Variants in NIT2 observed in about 807,000 individuals in gnomAD.
NIT2 encodes omega-amidase NIT2.
Under a neutral mutation model 42.7 loss-of-function variants are expected in NIT2, and 46 were observed. The ratio of observed to expected loss-of-function variants is 1.08; its 90% confidence interval spans 0.85 to 1.38. The LOEUF (loss-of-function observed/expected upper bound fraction) is 1.38, where lower values mean the gene tolerates loss of function less well. NIT2 is among the 40% of genes most tolerant of loss of function. The pLI is 0.00. For synonymous variants in NIT2, 123 were observed against 121.9 expected, an observed-to-expected ratio of 1.01 and a Z score of -0.06; for missense variants, 309 against 342.5, an observed-to-expected ratio of 0.90 and a Z score of 0.77.
Position 100,356,924 on chromosome 3 carries a change from ATTAC to A in NIT2, c.*1659_*1662del, listed in dbSNP as rs1457709995. 6.6e-6 allele frequency: 1 copy of A among 152,184 alleles called. No individual in the cohort carries two copies. Among genetic ancestry groups the A allele is most frequent in the Admixed American group, 6.5e-5 (1 of 15,282 alleles). The allele number at this position is 152,184 out of a possible 1,614,324, so 9.4% of individuals were successfully genotyped here. On this transcript the variant is annotated 3_prime_UTR_variant, in exon 10 of 10. Coordinates refer to ENST00000394140, the MANE Select transcript of NIT2 (RefSeq NM_020202.5). Reference sequence around the variant, plus strand: ...CACTCAAAATCACTTGGAACTCAAAATTACTTCTTTCACTCAAAATCACTCAAAA... The same window carrying A: ...CACTCAAAATCACTTGGAACTCAAAATTCTTTCACTCAAAATCACTCAAAA...
In NIT2 at chr3:100,360,603, G is replaced by T. The variant is rs277638; in HGVS notation, c.*5335G>T. On this transcript the variant is annotated 3_prime_UTR_variant, in exon 10 of 10. Transcript: ENST00000394140. ...AAAAAAAATGCAGTATTGATTTAGA[G>T]CTAAGGTCACCTGATGCTCAGGCCA... 22,692 of 152,112 alleles carry T rather than the reference G, an allele frequency of 0.15. 3,140 individuals carry two copies. Among genetic ancestry groups the T allele is most frequent in the East Asian group, 0.49 (2,545 of 5,166 alleles). The allele number at this position is 152,112 out of a possible 1,614,324, so 9.4% of individuals were successfully genotyped here.
At chr3:100,338,717 T>G (rs1424397054) in intron 1 of NIT2, among the ~76,000 whole-genome samples, 1 of 152,150 alleles carries the variant, frequency 6.6e-6, no homozygotes, top group Non-Finnish European at 1.5e-5. Context: ...AGCCATATTC[T>G]CATTTCATTC....
chr3:100,353,436 C>T (rs1034491133), intron 8 of NIT2, among the ~76,000 whole-genome samples: 1 of 150,644 alleles, frequency 6.6e-6, no homozygotes, highest in African/African-American at 2.4e-5. Context: ...GAAGATATGA[C>T]TAGTGTGAGA....
Position 100,356,463 on chromosome 3 carries a change from T to C in NIT2, c.*1195T>C, listed in dbSNP as rs1297404702. On this transcript the variant is annotated 3_prime_UTR_variant, in exon 10 of 10. Coordinates refer to ENST00000394140, the MANE Select transcript of NIT2 (RefSeq NM_020202.5). ...TCATATAGATATTTACCATTTACCA[T>C]ATTGGAAAGTAAAATGGAGAAAAAT... The C allele has an allele frequency of 6.6e-6, 1 of 152,144 alleles. No homozygotes were observed. The highest frequency in any genetic ancestry group is 1.5e-5 in the Non-Finnish European group (1 of 68,024). 9.4% of individuals were successfully genotyped at this position (152,144 alleles called of 1,614,324 possible).
rs780871552 is a variant in NIT2 at position 100,339,125 on chromosome 3, A to G, written c.46A>G (p.Ile16Val). 45 of 1,613,856 alleles carry G rather than the reference A, an allele frequency of 2.8e-5. No individual in the cohort carries two copies. The highest frequency in any genetic ancestry group is 3.6e-5 in the Non-Finnish European group (42 of 1,179,976). Reference protein sequence around the residue: ...LALIQLQISSIKSDNVTRACS... With the variant: ...LALIQLQISSVKSDNVTRACS... The stretch of plus-strand genomic sequence containing the variant: ...CCTCATCCAGCTTCAGATTTCTTCC[A>G]TCAAATCAGATAACGTCACTCGCGC... The change falls in exon 2 of 10, where the codon ATC (isoleucine) becomes GTC (valine). Residue 16 changes from isoleucine to valine, a missense_variant. Transcript: ENST00000394140.
chr3:100,354,141 A>G (rs1706301575), intron 8 of NIT2, among the ~76,000 whole-genome samples: 1 of 152,154 alleles, frequency 6.6e-6, no homozygotes, highest in Admixed American at 6.5e-5. Context: ...TCCCTAGTGC[A>G]GGGCTCCTGC....
At chr3:100,342,544 C>T (rs1281855892) in intron 4 of NIT2, among the ~76,000 whole-genome samples, 2 of 148,760 alleles carry the variant, frequency 1.3e-5, no homozygotes, top group Admixed American at 6.7e-5. Flanking sequence ...CAGTTGTTGC[C>T]CTGGGAATTA....
rs1344379658 is a variant in NIT2, at chr3:100,354,809, A to G, written c.721A>G (p.Ile241Val). 1.9e-6 allele frequency: 3 copies of G among 1,610,816 alleles called. No homozygotes were observed. Among genetic ancestry groups the G allele is most frequent in the Non-Finnish European group, 2.5e-6 (3 of 1,178,476 alleles). Residue 241 changes from isoleucine (I) to valine (V), a missense_variant, in exon 9 of 10, where the codon ATC becomes GTC. Ile to Val is a conservative substitution (Grantham distance 29). Coordinates refer to ENST00000394140, the MANE Select transcript of NIT2 (RefSeq NM_020202.5). ...VLAKAGTEEA[I>V]VYSDIDLKKL... ...AGCCAAAGCTGGCACAGAAGAAGCAATCGTGTATTCAGACATAGGTAAGAT... is the reference window on the plus strand; with the variant it reads ...AGCCAAAGCTGGCACAGAAGAAGCAGTCGTGTATTCAGACATAGGTAAGAT...
intron 4 of NIT2, among the ~76,000 whole-genome samples, chr3:100,344,717 C>A (rs934733534): frequency 9.9e-5 from 15 of 152,080 alleles, no homozygotes; most frequent in African/African-American, 3.6e-4. Context: ...GTGATCTTGG[C>A]TCACTGCAAC....
rs972925634 is a variant in NIT2 at position 100,356,211 on chromosome 3, A to C, written c.*943A>C. On this transcript the variant is annotated 3_prime_UTR_variant, in exon 10 of 10. Transcript: ENST00000394140. Reference sequence around the variant, plus strand: ...CTCACTATATATATGTATCTCAAAGACTTCAATGGGTTTTTGCTTACATGG... The same window carrying C: ...CTCACTATATATATGTATCTCAAAGCCTTCAATGGGTTTTTGCTTACATGG... 2.0e-5 allele frequency: 3 copies of C among 152,206 alleles called. No individual in the cohort carries two copies. The highest frequency in any genetic ancestry group is 7.2e-5 in the African/African-American group (3 of 41,450). The allele number at this position is 152,206 out of a possible 1,614,324, so 9.4% of individuals were successfully genotyped here.
intron 1 of NIT2, among the ~76,000 whole-genome samples, chr3:100,337,087 A>G (rs1328542463): frequency 6.6e-6 from 1 of 152,228 alleles, no homozygotes; most frequent in Non-Finnish European, 1.5e-5. Flanking sequence ...GTAACAAAGC[A>G]CATCTTGCAC....
intron 2 of NIT2, 127 bp from the exon 3 acceptor site, chr3:100,339,688 T>G: frequency 1.1e-6 from 1 of 870,376 alleles, no homozygotes; most frequent in Non-Finnish European, 1.8e-6. Flanking sequence ...AGTGTTTTTC[T>G]TATTAGCTGT....
rs1706309528 is a variant in NIT2 at position 100,354,848 on chromosome 3, G to T, written c.739+21G>T. On this transcript the variant is annotated intron_variant, in intron 9 of 9. Coordinates refer to ENST00000394140, the MANE Select transcript of NIT2 (RefSeq NM_020202.5). ...CATAGGTAAGATTTTCCTGGGCATG[G>T]TTTAGGTCTCTGATGTCCCCATTGT... 4 of 1,606,322 alleles carry T rather than the reference G, an allele frequency of 2.5e-6. No homozygotes were observed. In the East Asian group the frequency reaches 8.9e-5, roughly 36 times the overall value.
intron 1 of NIT2, among the ~76,000 whole-genome samples, chr3:100,335,737 C>T (rs567886349): frequency 1.4e-4 from 22 of 152,326 alleles, no homozygotes; most frequent in Middle Eastern, 3.4e-3. Context: ...CGGCACGTGG[C>T]TCACGCCTGT....
At chr3:100,349,174 T>C (rs1576202570) in intron 7 of NIT2, 1 of 255,320 alleles carries the variant, frequency 3.9e-6, no homozygotes, top group East Asian at 1.0e-4. Flanking sequence ...AGTGCAGTGG[T>C]GTAATCATAG....
At chr3:100,348,618 C>T (rs184130175) in intron 6 of NIT2, among the ~76,000 whole-genome samples, 185 bp from the exon 7 acceptor site, 2 of 152,252 alleles carry the variant, frequency 1.3e-5, no homozygotes, top group East Asian at 1.9e-4. Context: ...GTGTGACTTA[C>T]GTGTTCGTAT....
At position 100,355,373 on chromosome 3, in the gene NIT2, G is replaced by T; in HGVS notation, c.*105G>T. On this transcript the variant is annotated 3_prime_UTR_variant, in exon 10 of 10. Coordinates refer to ENST00000394140, the MANE Select transcript of NIT2 (RefSeq NM_020202.5). ...AAGATTTTTTTTTTAATTCGGCCTT[G>T]TCCTTCCTAGGTTCTCTATTGAGAT... 2 of 789,648 alleles carry T rather than the reference G, an allele frequency of 2.5e-6. No homozygotes were observed. Among genetic ancestry groups the T allele is most frequent in the Non-Finnish European group, 4.1e-6 (2 of 489,274 alleles). 48.9% of individuals were successfully genotyped at this position (789,648 alleles called of 1,614,324 possible).
At chr3:100,347,481 G>C (rs1706229086) in intron 6 of NIT2, among the ~76,000 whole-genome samples, 1 of 152,202 alleles carries the variant, frequency 6.6e-6, no homozygotes, top group Non-Finnish European at 1.5e-5. Flanking sequence ...ACCCAGGCTA[G>C]AGTGCAGGCG....
intron 6 of NIT2, among the ~76,000 whole-genome samples, chr3:100,347,725 G>C (rs963285781): frequency 6.6e-6 from 1 of 152,212 alleles, no homozygotes; most frequent in Non-Finnish European, 1.5e-5. Flanking sequence ...ACCCCAGCCA[G>C]TGTCCATGCT....
Sources: allele counts gnomAD v4.1 joint callset (sites outside exome capture counted in the v4.1 genomes callset), GRCh38; gene constraint gnomAD v4.1.1; transcripts MANE v1.5; gene names NCBI Gene and HGNC (gene_info 2026-07-23, HGNC 2026-07-21).